Variants in CSTF3 observed in about 807,000 individuals in gnomAD.
CSTF3 encodes CF-1 77 kDa subunit.
CSTF3 carries 29 observed loss-of-function variants against 105.8 expected under a neutral mutation model. The observed-to-expected ratio is 0.27, with a 90% CI of 0.20 to 0.37. CSTF3 has a LOEUF of 0.37. Among genes scored for constraint, CSTF3 ranks in the 10% least tolerant of loss-of-function variants. The pLI, the probability that CSTF3 is intolerant of heterozygous loss-of-function variation, is 1.00. For synonymous variants in CSTF3, 252 were observed against 281.9 expected (o/e 0.89, Z 1.06); for missense variants, 357 against 879.3 (o/e 0.41, Z 7.51).
chr11:33,156,508 T>A (rs1849868031), intron 1 of CSTF3, among the ~76,000 whole-genome samples: 1 of 152,190 alleles, frequency 6.6e-6, no homozygotes, highest in Non-Finnish European at 1.5e-5. Context: ...TTCTAAATCT[T>A]CCCAAAATTA....
intron 1 of CSTF3, among the ~76,000 whole-genome samples, chr11:33,159,929 A>G (rs967799476): frequency 6.6e-6 from 1 of 152,114 alleles, no homozygotes; most frequent in African/African-American, 2.4e-5. Context: ...TTATTTTTCT[A>G]TAAATTTTCA....
intron 8 of CSTF3, among the ~76,000 whole-genome samples, chr11:33,104,988 A>G (rs1855313801): frequency 1.3e-5 from 2 of 152,244 alleles, no homozygotes; most frequent in South Asian, 4.1e-4. Flanking sequence ...GGCTCAGGCA[A>G]TCCTTCCATC....
At chr11:33,112,281 C>T (rs551071186) in intron 3 of CSTF3, among the ~76,000 whole-genome samples, 113 of 151,766 alleles carry the variant, frequency 7.4e-4, no homozygotes, top group Non-Finnish European at 7.9e-4. Flanking sequence ...CATCAATGTG[C>T]TTTGGAGATT....
rs747773840 is a variant in CSTF3, at chr11:33,096,866, G to C, written c.1241C>G (p.Thr414Ser). ...DTRTRHHVYV[T>S]AALMEYYCSK... is the part of the protein sequence containing the mutation. Reference sequence around the variant, plus strand: ...ACAGTAATATTCCATGAGTGCTGCAGTAACATAGACATGGTGGCGGGTTCT... The same window carrying C: ...ACAGTAATATTCCATGAGTGCTGCACTAACATAGACATGGTGGCGGGTTCT... The change falls in exon 14 of 21, where the codon ACT (threonine) becomes AGT (serine). Residue 414 changes from threonine to serine, a missense_variant. Thr to Ser is a moderately conservative substitution (Grantham distance 58, BLOSUM62 1). Coordinates refer to ENST00000323959, the MANE Select transcript of CSTF3 (RefSeq NM_001326.3). 25 of 1,613,568 alleles carry C rather than the reference G, an allele frequency of 1.5e-5. No individual in the cohort carries two copies. Among genetic ancestry groups the C allele is most frequent in the Non-Finnish European group, 2.0e-5 (24 of 1,179,784 alleles).
chr11:33,134,046 T>C (rs907709019), intron 3 of CSTF3, among the ~76,000 whole-genome samples: 8 of 152,212 alleles, frequency 5.3e-5, no homozygotes, highest in African/African-American at 1.9e-4. Flanking sequence ...AGCATTAAAG[T>C]TCATAATATA....
chr11:33,160,398 T>G (rs1435648224), intron 1 of CSTF3, among the ~76,000 whole-genome samples: 1 of 152,204 alleles, frequency 6.6e-6, no homozygotes, highest in Non-Finnish European at 1.5e-5. Flanking sequence ...ATGTCGTTGC[T>G]ATGGCAATGG....
At chr11:33,142,950 G>C (rs1000473666) in intron 1 of CSTF3, among the ~76,000 whole-genome samples, 1 of 152,120 alleles carries the variant, frequency 6.6e-6, no homozygotes, top group Non-Finnish European at 1.5e-5. Flanking sequence ...TAATGTCTTA[G>C]ATTTATTATG....
At chr11:33,111,310 T>C (rs893389877) in intron 3 of CSTF3, among the ~76,000 whole-genome samples, 2 of 152,156 alleles carry the variant, frequency 1.3e-5, no homozygotes, top group African/African-American at 4.8e-5. Flanking sequence ...GCAAAAACAG[T>C]TTAAAAATCA....
chr11:33,138,371 G>C (rs1040761823), intron 3 of CSTF3, among the ~76,000 whole-genome samples: 1 of 151,784 alleles, frequency 6.6e-6, no homozygotes, highest in African/African-American at 2.4e-5. Flanking sequence ...GCTGGGTGGG[G>C]CAGAACAATT....
chr11:33,096,771 T>C (rs1399507415), intron 14 of CSTF3, 64 bp downstream of exon 14: 1 of 1,482,646 alleles, frequency 6.7e-7, no homozygotes, highest in African/African-American at 1.4e-5. Flanking sequence ...TAAAATCACC[T>C]TTCTTTTACG....
chr11:33,147,813 T>C (rs1855803792), intron 1 of CSTF3, among the ~76,000 whole-genome samples: 2 of 152,086 alleles, frequency 1.3e-5, no homozygotes, highest in African/African-American at 4.8e-5. Context: ...AAGGTATGAG[T>C]TGTCGATTTC....
At chr11:33,095,403 T>C (rs1032624267) in intron 15 of CSTF3, among the ~76,000 whole-genome samples, 6 of 152,210 alleles carry the variant, frequency 3.9e-5, no homozygotes. Context: ...GTTAAGAAAT[T>C]ACATATTGTG....
At chr11:33,098,279 T>A (rs1418597919) in intron 13 of CSTF3, among the ~76,000 whole-genome samples, 1 of 152,158 alleles carries the variant, frequency 6.6e-6, no homozygotes, top group Non-Finnish European at 1.5e-5. Flanking sequence ...TCCCAGGATG[T>A]CGGTTTCTCC....
At chr11:33,119,773 T>C (rs1390698441) in intron 3 of CSTF3, among the ~76,000 whole-genome samples, 2 of 151,818 alleles carry the variant, frequency 1.3e-5, no homozygotes, top group Non-Finnish European at 3.0e-5. Flanking sequence ...GAACATACAA[T>C]CAACATTTGT....
chr11:33,144,463 A>G (rs1855754125), intron 1 of CSTF3, among the ~76,000 whole-genome samples: 1 of 152,200 alleles, frequency 6.6e-6, no homozygotes, highest in Non-Finnish European at 1.5e-5. Flanking sequence ...AGAACAGCAA[A>G]TGGAAAATCA....
At chr11:33,127,979 T>C (rs1855560691) in intron 3 of CSTF3, among the ~76,000 whole-genome samples, 1 of 152,208 alleles carries the variant, frequency 6.6e-6, no homozygotes, top group South Asian at 2.1e-4. Context: ...AACTTTCCAT[T>C]TTTTCATTTA....
At chr11:33,116,307 G>A (rs1349769010) in intron 3 of CSTF3, among the ~76,000 whole-genome samples, 2 of 152,134 alleles carry the variant, frequency 1.3e-5, no homozygotes, top group Non-Finnish European at 1.5e-5. Flanking sequence ...AAGAGTTTAT[G>A]ACCCAGTTGA....
Position 33,159,090 on chromosome 11 carries a change from A to C in CSTF3, c.27+2209T>G, listed in dbSNP as rs531829845. Among the ~76,000 whole-genome samples the C allele has an allele frequency of 2.6e-5, 4 of 152,282 alleles. 1 individual carries two copies. Among genetic ancestry groups the C allele is most frequent in the African/African-American group, 9.6e-5 (4 of 41,548 alleles). On this transcript the variant is annotated intron_variant, in intron 1 of 20. Coordinates refer to ENST00000323959, the MANE Select transcript of CSTF3 (RefSeq NM_001326.3). ...GGAAATGGTATGGTGGTTATGTAACAACATTTTGCTCTTATTTATAAGAGA... is the reference window on the plus strand; with the variant it reads ...GGAAATGGTATGGTGGTTATGTAACCACATTTTGCTCTTATTTATAAGAGA...
At chr11:33,105,431 A>C in intron 8 of CSTF3, 136 bp downstream of exon 8, 1 of 839,676 alleles carries the variant, frequency 1.2e-6, no homozygotes, top group Non-Finnish European at 1.8e-6. Context: ...ACCTTGCAAA[A>C]ACATTATAGT....
Sources: gnomAD v4.1 joint callset for allele counts (sites outside exome capture counted in the v4.1 genomes callset) on GRCh38, gnomAD v4.1.1 for gene constraint, MANE v1.5 for transcripts, NCBI Gene and HGNC (gene_info 2026-07-23, HGNC 2026-07-21) for gene names.